The following CADM2 variants were observed in gnomAD, a reference collection of about 807,000 sequenced individuals.
The protein encoded by CADM2 is cell adhesion molecule 2, also known as immunoglobulin superfamily member 4D.
A neutral mutation model predicts 49.8 loss-of-function variants in CADM2; 12 were observed. The ratio of observed to expected loss-of-function variants is 0.24; its 90% CI spans 0.15 to 0.39. The LOEUF (loss-of-function observed/expected upper bound fraction) is 0.39. CADM2 is among the 10% of genes least tolerant of loss of function. CADM2 has a pLI of 1.00. For synonymous variants in CADM2, 214 were observed against 175.4 expected, an observed-to-expected ratio of 1.22 and a Z score of -1.74; for missense variants, 378 against 492.3, an observed-to-expected ratio of 0.77 and a Z score of 2.20.
At chr3:85,242,894 C>T (rs1333831523) in intron 1 of CADM2, among the ~76,000 whole-genome samples, 1 of 151,722 alleles carries the variant, frequency 6.6e-6, no homozygotes, top group Non-Finnish European at 1.5e-5. Context: ...TACAACACAT[C>T]AATGATATTT....
At chr3:85,823,164 T>A (rs899294206) in intron 3 of CADM2, among the ~76,000 whole-genome samples, 17 of 152,208 alleles carry the variant, frequency 1.1e-4, no homozygotes, top group African/African-American at 4.1e-4. Context: ...ATGTGTAAAC[T>A]TGGTGCCTCA....
At chr3:85,339,603 C>T (rs1480943782) in intron 1 of CADM2, among the ~76,000 whole-genome samples, 1 of 151,074 alleles carries the variant, frequency 6.6e-6, no homozygotes, top group Non-Finnish European at 1.5e-5. Context: ...AACCTATAGG[C>T]ATTCTCCCAA....
At chr3:85,898,937 G>GTATATA (rs1553704342) in intron 5 of CADM2, among the ~76,000 whole-genome samples, 4 of 46,698 alleles carry the variant, frequency 8.6e-5, no homozygotes, top group Non-Finnish European at 1.0e-4. Context: ...CATTTATTGT[G>GTATATA]TATATATATA....
At chr3:85,466,235 T>A (rs955820864) in intron 1 of CADM2, among the ~76,000 whole-genome samples, 1 of 152,156 alleles carries the variant, frequency 6.6e-6, no homozygotes, top group African/African-American at 2.4e-5. Context: ...ACAGCATATA[T>A]TAAGGCTTAA....
At chr3:85,574,027 A>G (rs1576840613) in intron 1 of CADM2, among the ~76,000 whole-genome samples, 2 of 152,304 alleles carry the variant, frequency 1.3e-5, no homozygotes, top group South Asian at 4.2e-4. Flanking sequence ...TCCATGAGAC[A>G]TTTCATCTGT....
At chr3:85,536,265 C>A (rs1430242952) in intron 1 of CADM2, among the ~76,000 whole-genome samples, 2 of 151,818 alleles carry the variant, frequency 1.3e-5, no homozygotes, top group African/African-American at 4.8e-5. Flanking sequence ...GAAAGGATAG[C>A]TCATACCTGA....
chr3:85,331,515 A>T (rs531665889), intron 1 of CADM2, among the ~76,000 whole-genome samples: 22 of 151,494 alleles, frequency 1.5e-4, no homozygotes, highest in South Asian at 4.2e-4. Context: ...TATTGTCACT[A>T]AAAGTGACAA....
At chr3:85,429,151 C>G (rs972696049) in intron 1 of CADM2, among the ~76,000 whole-genome samples, 1 of 152,012 alleles carries the variant, frequency 6.6e-6, no homozygotes, top group Non-Finnish European at 1.5e-5. Flanking sequence ...CCTGTATATG[C>G]TATTAGAAGA....
At chr3:85,809,759 CCTCCCT>C (rs2072717580) in intron 3 of CADM2, among the ~76,000 whole-genome samples, 1 of 77,778 alleles carries the variant, frequency 1.3e-5, no homozygotes, top group Non-Finnish European at 2.2e-5. Flanking sequence ...TCCCTCCCTC[CCTCCCT>C]CTCTCTCTCT....
intron 3 of CADM2, among the ~76,000 whole-genome samples, chr3:85,880,224 T>C (rs1046316385): frequency 8.5e-5 from 13 of 152,212 alleles, no homozygotes; most frequent in Non-Finnish European, 1.9e-4. Context: ...ATTTCAAGTA[T>C]GGAAACCTTA....
intron 1 of CADM2, among the ~76,000 whole-genome samples, chr3:85,185,256 T>C (rs2041030590): frequency 6.6e-6 from 1 of 151,960 alleles, no homozygotes; most frequent in East Asian, 1.9e-4. Context: ...CATCTATATA[T>C]TGATCCAAAT....
intron 1 of CADM2, among the ~76,000 whole-genome samples, chr3:85,310,180 T>A (rs1198628260): frequency 6.6e-6 from 1 of 152,208 alleles, no homozygotes; most frequent in Non-Finnish European, 1.5e-5. Flanking sequence ...ACATTTATTC[T>A]TCTTTTCTTG....
chr3:85,148,156 A>C (rs1047254293), intron 1 of CADM2, among the ~76,000 whole-genome samples: 1 of 152,142 alleles, frequency 6.6e-6, no homozygotes, highest in Non-Finnish European at 1.5e-5. Context: ...TGAAAAAGGC[A>C]TTATCCTAAA....
chr3:85,607,518 G>C (rs926345273), intron 1 of CADM2, among the ~76,000 whole-genome samples: 2 of 152,104 alleles, frequency 1.3e-5, no homozygotes, highest in Non-Finnish European at 1.5e-5. Context: ...GAATTAGAAT[G>C]TTCCTAACAG....
At chr3:85,416,444 G>A (rs1209484783) in intron 1 of CADM2, among the ~76,000 whole-genome samples, 1 of 152,114 alleles carries the variant, frequency 6.6e-6, no homozygotes, top group Admixed American at 6.6e-5. Context: ...ACATTTTCAA[G>A]GGATATTAGA....
intron 7 of CADM2, among the ~76,000 whole-genome samples, chr3:85,947,732 G>A (rs1426049170): frequency 2.0e-5 from 3 of 151,486 alleles, no homozygotes; most frequent in African/African-American, 7.3e-5. Context: ...GAAACAAGAA[G>A]CTGACTCTCG....
chr3:85,411,242 A>T (rs1165373695), intron 1 of CADM2, among the ~76,000 whole-genome samples: 1 of 152,164 alleles, frequency 6.6e-6, no homozygotes, highest in Non-Finnish European at 1.5e-5. Context: ...GAGTATATAA[A>T]GGCTTAGGAA....
intron 1 of CADM2, among the ~76,000 whole-genome samples, chr3:85,215,474 C>G (rs1399351538): frequency 2.7e-5 from 4 of 150,920 alleles, no homozygotes. Flanking sequence ...CCTTTTTACT[C>G]TCTCCTCTCC....
intron 1 of CADM2, among the ~76,000 whole-genome samples, chr3:85,647,121 G>T (rs1457265171): frequency 6.6e-6 from 1 of 151,822 alleles, no homozygotes; most frequent in Non-Finnish European, 1.5e-5. Flanking sequence ...TGTTGGGAAA[G>T]ATGAGGGACA....
Sources: allele counts gnomAD v4.1 joint callset (sites outside exome capture counted in the v4.1 genomes callset), GRCh38; gene constraint gnomAD v4.1.1; transcripts MANE v1.5; gene names NCBI Gene and HGNC (gene_info 2026-07-23, HGNC 2026-07-21).